PPARGC1A: variants seen among roughly 807,000 people sequenced by gnomAD.
The protein encoded by PPARGC1A is PPARG coactivator 1 alpha.
In PPARGC1A, 25 loss-of-function variants were observed where a neutral mutation model predicts 88.7. The observed-to-expected ratio is 0.28, with a 90% CI of 0.21 to 0.39. The LOEUF is 0.39. PPARGC1A is among the 10% of genes least tolerant of loss of function. The pLI, the probability that PPARGC1A is intolerant of heterozygous loss-of-function variation, is 1.00. For synonymous variants in PPARGC1A, 363 were observed against 355.6 expected (o/e 1.02, Z -0.24); for missense variants, 880 against 968.7 (o/e 0.91, Z 1.22).
At chr4:23,904,681 T>C (rs1719829603), upstream of PPARGC1A, among the ~76,000 whole-genome samples, 1 of 152,114 alleles carries the variant, frequency 6.6e-6, no homozygotes. Context: ...AGTCAGACCA[T>C]CTTAAAATCA....
chr4:24,050,234 C>T, the PPARGC1A span, among the ~76,000 whole-genome samples: 188 of 121,820 alleles, frequency 1.5e-3, no homozygotes, highest in Admixed American at 3.8e-3. Context: ...CTTGCTCTGT[C>T]GCCCAGGCTG....
At chr4:24,282,974 C>T in the PPARGC1A span, among the ~76,000 whole-genome samples, 4 of 152,292 alleles carry the variant, frequency 2.6e-5, no homozygotes, top group Non-Finnish European at 4.4e-5. Context: ...GATGAAATGG[C>T]TACAGGTTTA....
chr4:24,029,070 TTA>T, the PPARGC1A span, among the ~76,000 whole-genome samples: 7 of 152,138 alleles, frequency 4.6e-5, no homozygotes, highest in African/African-American at 1.4e-4. Context: ...TGTTAGTTAT[TTA>T]TATAATTATT....
the PPARGC1A span, among the ~76,000 whole-genome samples, chr4:24,090,463 G>GA: frequency 6.6e-6 from 1 of 152,250 alleles, no homozygotes; most frequent in East Asian, 1.9e-4. Context: ...GAAATCTTCA[G>GA]AAAAGGCTCC....
chr4:24,411,558 G>A, the PPARGC1A span, among the ~76,000 whole-genome samples: 3 of 152,126 alleles, frequency 2.0e-5, no homozygotes, highest in Non-Finnish European at 2.9e-5. Flanking sequence ...TAGGGTTCAC[G>A]GTTGCTATTA....
the PPARGC1A span, among the ~76,000 whole-genome samples, chr4:23,962,283 G>T: frequency 3.3e-5 from 5 of 152,144 alleles, no homozygotes; most frequent in Admixed American, 3.3e-4. Context: ...ACCCGGAAAG[G>T]GACCAAACTT....
At chr4:23,904,065 T>C, upstream of PPARGC1A, 1 of 982,230 alleles carries the variant, frequency 1.0e-6, no homozygotes, top group Non-Finnish European at 1.2e-6. Context: ...CAAATACTGG[T>C]ATCATGAGAT....
At chr4:24,297,588 C>T in the PPARGC1A span, among the ~76,000 whole-genome samples, 5 of 152,148 alleles carry the variant, frequency 3.3e-5, no homozygotes, top group African/African-American at 2.4e-5. Flanking sequence ...TTACCATAAA[C>T]TCAAGAAAAG....
chr4:23,826,444 A>G (rs1723946166), intron 5 of PPARGC1A, among the ~76,000 whole-genome samples: 1 of 152,192 alleles, frequency 6.6e-6, no homozygotes, highest in African/African-American at 2.4e-5. Flanking sequence ...ACATCAACAC[A>G]CAACCATGGC....
chr4:23,908,039 C>T (rs746983652), upstream of PPARGC1A, among the ~76,000 whole-genome samples: 2 of 152,142 alleles, frequency 1.3e-5, no homozygotes, highest in Non-Finnish European at 2.9e-5. Flanking sequence ...ATGAAAAAAA[C>T]TGAAAACTTT....
chr4:24,085,207 T>C, the PPARGC1A span, among the ~76,000 whole-genome samples: 218 of 152,240 alleles, frequency 1.4e-3, 1 homozygote, highest in African/African-American at 5.2e-3. Flanking sequence ...TGTGAAATAG[T>C]AATGGAATTG....
At chr4:24,249,034 A>T in the PPARGC1A span, among the ~76,000 whole-genome samples, 1 of 152,174 alleles carries the variant, frequency 6.6e-6, no homozygotes. Context: ...TTGGATTCAG[A>T]TCCATAAATC....
the PPARGC1A span, among the ~76,000 whole-genome samples, chr4:24,253,437 A>C: frequency 6.6e-6 from 1 of 152,364 alleles, no homozygotes; most frequent in East Asian, 1.9e-4. Flanking sequence ...AAAGAGATAT[A>C]GTAAATGTGG....
the PPARGC1A span, among the ~76,000 whole-genome samples, chr4:23,948,661 T>C: frequency 2.0e-5 from 3 of 152,200 alleles, no homozygotes; most frequent in East Asian, 1.9e-4. Context: ...CACATCCCAG[T>C]GTGCTCCGAA....
the PPARGC1A span, among the ~76,000 whole-genome samples, chr4:24,146,629 C>T: frequency 6.6e-6 from 1 of 152,186 alleles, no homozygotes; most frequent in Non-Finnish European, 1.5e-5. Flanking sequence ...CTGTTATTAG[C>T]AGACAAGCTG....
chr4:23,910,221 T>TAATATATTATATATAATATATATA, the PPARGC1A span, among the ~76,000 whole-genome samples: 4 of 97,466 alleles, frequency 4.1e-5, no homozygotes, highest in Non-Finnish European at 6.1e-5. Context: ...ATATAATATA[T>TAATATATTATATATAATATATATA]AATATATTAT....
At chr4:23,900,856 AAC>A (rs1719250316), upstream of PPARGC1A, among the ~76,000 whole-genome samples, 1 of 152,232 alleles carries the variant, frequency 6.6e-6, no homozygotes, top group Non-Finnish European at 1.5e-5. Flanking sequence ...AAGTGAAGAA[AAC>A]AGTTTTTGTT....
the PPARGC1A span, among the ~76,000 whole-genome samples, chr4:24,152,930 C>G: frequency 3.9e-5 from 6 of 152,208 alleles, no homozygotes; most frequent in Non-Finnish European, 8.8e-5. Context: ...GCTAACACTT[C>G]TGTTCAAGAC....
the PPARGC1A span, among the ~76,000 whole-genome samples, chr4:24,058,893 C>T: frequency 2.4e-4 from 37 of 152,172 alleles, no homozygotes; most frequent in Admixed American, 1.4e-3. Flanking sequence ...TGCAGTGAGC[C>T]GAGATCATGC....
Sources: allele counts gnomAD v4.1 joint callset (sites outside exome capture counted in the v4.1 genomes callset), GRCh38; gene constraint gnomAD v4.1.1; transcripts MANE v1.5; gene names NCBI Gene and HGNC (gene_info 2026-07-23, HGNC 2026-07-21).